FNTA: variants seen among roughly 807,000 people sequenced by gnomAD.
FNTA encodes protein farnesyltransferase/geranylgeranyltransferase type-1 subunit alpha.
In FNTA, 27 loss-of-function variants were observed where a neutral mutation model predicts 55.2. The observed-to-expected ratio is 0.49, with a 90% CI of 0.36 to 0.67. The LOEUF (loss-of-function observed/expected upper bound fraction) is 0.67. FNTA is among the 30% of genes least tolerant of loss of function. The pLI is 0.00. For missense variants in FNTA, 422 were observed against 464.7 expected (o/e 0.91, Z 0.85); for synonymous variants, 176 against 170.7 (o/e 1.03, Z -0.24).
At chr8:43,073,500 T>C (rs1810842476) in intron 5 of FNTA, 1 of 152,170 alleles carries the variant, frequency 6.6e-6, no homozygotes, top group South Asian at 2.1e-4. Flanking sequence ...GAAGATATGA[T>C]CACCAAGGTG....
intron 1 of FNTA, among the ~76,000 whole-genome samples, chr8:43,058,328 A>G (rs1047439406): frequency 6.6e-6 from 1 of 152,188 alleles, no homozygotes; most frequent in Non-Finnish European, 1.5e-5. Flanking sequence ...CTTATTAATG[A>G]TCACCTGCGC....
At position 43,083,180 on chromosome 8, in the gene FNTA, G is replaced by T; in HGVS notation, c.845G>T (p.Gly282Val). 1.3e-6 allele frequency: 2 copies of T among 1,575,738 alleles called. No homozygotes were observed. Among genetic ancestry groups the T allele is most frequent in the Non-Finnish European group, 1.7e-6 (2 of 1,162,944 alleles). Residue 282 changes from glycine to valine, a missense_variant and splice_region_variant, in exon 7 of 9, where the codon GGG becomes GTG. By Grantham distance (109) the Gly-to-Val change is moderately radical. Around this residue, in one of 2 missense-constraint regions of FNTA, gnomAD observed 262 missense variants for 343.1 expected, o/e 0.76. Transcript: ENST00000302279. The part of the protein sequence containing the change: ...HNESAWNYLK[G>V]ILQDRGLSKY... ...GAAAGTGCATGGAACTATTTGAAAG[G>T]GTAAGAGGTTGTTTTTGCTTTTTTT...
intron 2 of FNTA, among the ~76,000 whole-genome samples, chr8:43,063,892 A>G (rs1810593160): frequency 6.6e-6 from 1 of 152,252 alleles, no homozygotes; most frequent in South Asian, 2.1e-4. Flanking sequence ...CAGTAAGCAT[A>G]CAGTTATACA....
At chr8:43,075,782 C>T (rs932919927) in intron 5 of FNTA, among the ~76,000 whole-genome samples, 2 of 152,166 alleles carry the variant, frequency 1.3e-5, no homozygotes, top group Non-Finnish European at 2.9e-5. Flanking sequence ...TGCCACTGCA[C>T]TGCAGCCTGG....
chr8:43,060,675 C>CAAA (rs202205706), intron 2 of FNTA, among the ~76,000 whole-genome samples: 1 of 141,132 alleles, frequency 7.1e-6, no homozygotes, highest in African/African-American at 2.8e-5. Flanking sequence ...AACTCTGTCT[C>CAAA]AAAAAAAAAA....
chr8:43,082,241 G>GTAT (rs1811039854), intron 6 of FNTA: 1 of 152,238 alleles, frequency 6.6e-6, no homozygotes. Context: ...TGTTTAAGGG[G>GTAT]AAGATAAAGG....
Position 43,085,416 on chromosome 8 carries a change from A to T in FNTA, c.*134A>T. On this transcript the variant is annotated 3_prime_UTR_variant, in exon 9 of 9. Coordinates refer to ENST00000302279, the MANE Select transcript of FNTA (RefSeq NM_002027.3). ...ACACAGGTATTGCTTTTTAACAAGA[A>T]CTGATGCTCCTTGGGTGCTGCTGCT... is the stretch of plus-strand genomic sequence containing the variant. 2 of 768,756 alleles carry T rather than the reference A, an allele frequency of 2.6e-6. No individual in the cohort carries two copies. Among genetic ancestry groups the T allele is most frequent in the Non-Finnish European group, 4.2e-6 (2 of 470,928 alleles). The allele number at this position is 768,756 out of a possible 1,614,324, so 47.6% of individuals were successfully genotyped here. A position where few individuals can be genotyped will look rare whatever the true frequency, so the allele number is the denominator to read the frequency against.
intron 3 of FNTA, 59 bp from the exon 4 acceptor site, chr8:43,069,496 T>G: frequency 2.9e-6 from 3 of 1,047,848 alleles, no homozygotes; most frequent in South Asian, 2.6e-5. Context: ...GTATTTGATA[T>G]TGTTATTAGG....
chr8:43,075,891 T>G (rs74876902), intron 5 of FNTA, among the ~76,000 whole-genome samples: 43 of 151,494 alleles, frequency 2.8e-4, no homozygotes, highest in African/African-American at 9.2e-4. Flanking sequence ...TTTTTTTTTT[T>G]GGGACAGGGT....
intron 2 of FNTA, 137 bp downstream of exon 2, chr8:43,059,314 G>GT (rs57363090): frequency 4.0e-4 from 242 of 609,208 alleles, no homozygotes; most frequent in East Asian, 1.7e-3. Context: ...TTAATTTTGT[G>GT]TTTTTTTTAT....
At chr8:43,078,115 C>T (rs1051634805) in intron 6 of FNTA, 1 of 152,110 alleles carries the variant, frequency 6.6e-6, no homozygotes, top group Non-Finnish European at 1.5e-5. Context: ...TTGCCTGGAT[C>T]GAGGCAGCTT....
chr8:43,075,810 T>C (rs1443052235), intron 5 of FNTA, among the ~76,000 whole-genome samples: 1 of 152,206 alleles, frequency 6.6e-6, no homozygotes, highest in East Asian at 1.9e-4. Flanking sequence ...AGTGAGACGC[T>C]GTCTCAATAA....
At chr8:43,057,392 G>A (rs1249916526) in intron 1 of FNTA, 2 of 152,184 alleles carry the variant, frequency 1.3e-5, no homozygotes, top group Non-Finnish European at 2.9e-5. Context: ...ATTGGAGATA[G>A]TGTTTTACTG....
Position 43,085,234 on chromosome 8 carries a change from A to T in FNTA, c.1092A>T (p.Gln364His). 6.2e-7 allele frequency: 1 copy of T among 1,609,424 alleles called. No homozygotes were observed. Among genetic ancestry groups the T allele is most frequent in the Non-Finnish European group, 8.5e-7 (1 of 1,178,750 alleles). ...EYWRYIGRSL[Q>H]SKHSTENDSP... ...GGAGATACATTGGAAGATCCCTTCAAAGCAAACACAGCACAGAAAATGACT... is the reference window on the plus strand; with the variant it reads ...GGAGATACATTGGAAGATCCCTTCATAGCAAACACAGCACAGAAAATGACT... Residue 364 changes from glutamine to histidine, a missense_variant, in exon 9 of 9, where the codon CAA (glutamine) becomes CAT (histidine). By Grantham distance (24) the Gln-to-His change is conservative. Transcript: ENST00000302279.
chr8:43,075,162 T>C (rs1428299460), intron 5 of FNTA, among the ~76,000 whole-genome samples: 1 of 152,202 alleles, frequency 6.6e-6, no homozygotes, highest in Non-Finnish European at 1.5e-5. Context: ...AATTGTTACA[T>C]TGATACAAAA....
chr8:43,058,748 G>C (rs1033873997), intron 1 of FNTA, among the ~76,000 whole-genome samples: 3 of 152,160 alleles, frequency 2.0e-5, no homozygotes, highest in Non-Finnish European at 4.4e-5. Context: ...CTGCACTCCA[G>C]CCTGGGCGAC....
intron 4 of FNTA, among the ~76,000 whole-genome samples, chr8:43,071,215 C>G (rs1810782710): frequency 6.6e-6 from 1 of 152,086 alleles, no homozygotes; most frequent in South Asian, 2.1e-4. Flanking sequence ...TTCCCCCATT[C>G]AAAGTATATA....
chr8:43,070,125 G>GCA, intron 4 of FNTA: 1 of 148,240 alleles, frequency 6.7e-6, no homozygotes, highest in Non-Finnish European at 1.5e-5. Context: ...GTGGTGGCGT[G>GCA]CCTGTAATCC....
At chr8:43,084,330 C>A (rs775241574) in intron 7 of FNTA, among the ~76,000 whole-genome samples, 22 of 151,518 alleles carry the variant, frequency 1.5e-4, no homozygotes, top group Admixed American at 3.3e-4. Context: ...AGTGATTCTC[C>A]CACCTCAGCC....
Sources: gnomAD v4.1 joint callset for allele counts (sites outside exome capture counted in the v4.1 genomes callset) on GRCh38, gnomAD v4.1.1 for gene constraint, gnomAD v4.1.1 regional missense constraint, MANE v1.5 for transcripts, NCBI Gene and HGNC (gene_info 2026-07-23, HGNC 2026-07-21) for gene names.